Variants in CNBD1 observed in about 807,000 individuals in gnomAD.
The protein encoded by CNBD1 is cyclic nucleotide-binding domain-containing protein 1.
In CNBD1, 71 loss-of-function variants were observed where a neutral mutation model predicts 54.4. The ratio of observed to expected loss-of-function variants is 1.30; its 90% confidence interval spans 1.08 to 1.59. The LOEUF (loss-of-function observed/expected upper bound fraction) is 1.59. CNBD1 is among the 40% of genes most tolerant of loss of function. CNBD1 has a pLI of 0.00. For missense variants in CNBD1, 659 were observed against 518.0 expected, an observed-to-expected ratio of 1.27 and a Z score of -2.64; for synonymous variants, 182 against 170.7, an observed-to-expected ratio of 1.07 and a Z score of -0.51.
At chr8:87,130,803 A>G (rs965106142) in intron 4 of CNBD1, among the ~76,000 whole-genome samples, 4 of 152,050 alleles carry the variant, frequency 2.6e-5, no homozygotes, top group Middle Eastern at 6.8e-3. Flanking sequence ...ATTCCTGAGA[A>G]AGGATAATTC....
chr8:87,371,846 T>G (rs1424700720), intron 10 of CNBD1, among the ~76,000 whole-genome samples: 3 of 151,594 alleles, frequency 2.0e-5, no homozygotes, highest in African/African-American at 2.4e-5. Context: ...CTCAAAATAA[T>G]AAGAGCTATC....
intron 4 of CNBD1, among the ~76,000 whole-genome samples, chr8:87,049,407 C>A (rs1422436858): frequency 4.6e-5 from 7 of 152,132 alleles, no homozygotes; most frequent in Non-Finnish European, 7.3e-5. Context: ...AACTGCCTTT[C>A]CTTTGCTTTA....
intron 6 of CNBD1, among the ~76,000 whole-genome samples, chr8:87,263,132 T>G (rs767926614): frequency 1.3e-5 from 2 of 152,166 alleles, no homozygotes; most frequent in African/African-American, 2.4e-5. Context: ...GATGGTATTA[T>G]ATATAGTGGT....
At chr8:87,032,576 A>G (rs1235270699) in intron 4 of CNBD1, among the ~76,000 whole-genome samples, 1 of 152,194 alleles carries the variant, frequency 6.6e-6, no homozygotes, top group Non-Finnish European at 1.5e-5. Context: ...CAGGGGTGGC[A>G]CAGGCAGAAA....
chr8:86,944,005 G>A (rs1807402857), intron 4 of CNBD1, among the ~76,000 whole-genome samples: 1 of 152,126 alleles, frequency 6.6e-6, no homozygotes, highest in Non-Finnish European at 1.5e-5. Flanking sequence ...GGGATAGGGA[G>A]TCAGATTGTT....
At chr8:87,291,974 C>T (rs1402732611) in intron 8 of CNBD1, among the ~76,000 whole-genome samples, 1 of 152,082 alleles carries the variant, frequency 6.6e-6, no homozygotes, top group East Asian at 1.9e-4. Flanking sequence ...TCAGTGTTTA[C>T]CCTTAGACCA....
chr8:86,931,478 A>AT (rs71275896), intron 3 of CNBD1, among the ~76,000 whole-genome samples: 80,762 of 150,810 alleles, frequency 0.54, 21,753 homozygotes, highest in South Asian at 0.6. Context: ...CTCATTGCAC[A>AT]TTTTTTTTTA....
At position 87,346,887 on chromosome 8, in the gene CNBD1, G is replaced by A. The variant is rs369342675; in HGVS notation, c.1043-4798G>A. Among the ~76,000 whole-genome samples the A allele has an allele frequency of 5.6e-4, 86 of 152,246 alleles. No individual in the cohort carries two copies. In the East Asian group the frequency reaches 7.9e-3, roughly 14 times the overall value. ...AAAGGATTTTATTGCCTCACAGGTG[G>A]TATGGACTCTAGCCCCAATATCATG... On this transcript the variant is annotated intron_variant, in intron 8 of 10. Coordinates refer to ENST00000518476, the MANE Select transcript of CNBD1 (RefSeq NM_173538.3).
intron 4 of CNBD1, among the ~76,000 whole-genome samples, chr8:87,097,676 G>A (rs1811347131): frequency 6.6e-6 from 1 of 152,182 alleles, no homozygotes; most frequent in Non-Finnish European, 1.5e-5. Context: ...TCCCTCTGAA[G>A]ATTTTTAATG....
rs111692894 is a variant in CNBD1, at chr8:87,262,051, G to A, written c.772-22627G>A. On this transcript the variant is annotated intron_variant, in intron 6 of 10. Transcript: ENST00000518476. ...TGCCTGTAGTCCCAGCTACTTTGAG[G>A]GCTGAGGAAGGAGGATCACTTGAAC... is the stretch of plus-strand genomic sequence containing the variant. Among the ~76,000 whole-genome samples the A allele has an allele frequency of 8.5e-4, 129 of 152,108 alleles. 1 individual carries two copies. Among genetic ancestry groups the A allele is most frequent in the African/African-American group, 3.1e-3 (127 of 41,514 alleles).
intron 8 of CNBD1, among the ~76,000 whole-genome samples, chr8:87,315,305 T>G (rs558751051): frequency 6.6e-6 from 1 of 152,252 alleles, no homozygotes; most frequent in East Asian, 1.9e-4. Flanking sequence ...CAGATTTATT[T>G]TCTTACCTCT....
chr8:87,323,205 T>C (rs1809579529), intron 8 of CNBD1, among the ~76,000 whole-genome samples: 1 of 119,048 alleles, frequency 8.4e-6, no homozygotes, highest in Non-Finnish European at 1.8e-5. Flanking sequence ...TTGGTTACTG[T>C]AGCCTTGTAG....
At chr8:86,956,855 T>A (rs1421212234) in intron 4 of CNBD1, among the ~76,000 whole-genome samples, 1 of 152,166 alleles carries the variant, frequency 6.6e-6, no homozygotes, top group Non-Finnish European at 1.5e-5. Context: ...AGCCAGAACT[T>A]CCAACACTCT....
Position 87,331,605 on chromosome 8 carries a change from A to G in CNBD1, c.1043-20080A>G, listed in dbSNP as rs565898473. 8.8e-4 allele frequency among the ~76,000 whole-genome samples: 134 copies of G among 152,296 alleles called. 1 individual carries two copies. The highest frequency in any genetic ancestry group is 3.2e-3 in the African/African-American group (131 of 41,574). ...TAATGGGATTGCTGGATCAAATGAT[A>G]TTTCTAGTTCTAGATCCTTAAATTA... On this transcript the variant is annotated intron_variant, in intron 8 of 10. Coordinates refer to ENST00000518476, the MANE Select transcript of CNBD1 (RefSeq NM_173538.3).
chr8:87,102,218 T>C (rs760026628), intron 4 of CNBD1, among the ~76,000 whole-genome samples: 3 of 151,974 alleles, frequency 2.0e-5, no homozygotes, highest in Non-Finnish European at 2.9e-5. Flanking sequence ...ACATAACTGA[T>C]TGGTGAGAGT....
chr8:86,966,276 G>A (rs4960932), intron 4 of CNBD1, among the ~76,000 whole-genome samples: 143,844 of 152,266 alleles, frequency 0.94, 68,053 homozygotes, highest in East Asian at 1. Flanking sequence ...CCTGGTGCCA[G>A]TCATGGCCCA....
chr8:87,216,801 C>T (rs1481460710), intron 5 of CNBD1, among the ~76,000 whole-genome samples: 1 of 152,112 alleles, frequency 6.6e-6, no homozygotes, highest in Non-Finnish European at 1.5e-5. Flanking sequence ...GCTATAGTAT[C>T]AAGGAAACTT....
At chr8:86,994,103 G>A (rs535131129) in intron 4 of CNBD1, among the ~76,000 whole-genome samples, 4 of 152,292 alleles carry the variant, frequency 2.6e-5, no homozygotes, top group Admixed American at 2.6e-4. Flanking sequence ...TACTCTGACA[G>A]TGGAGGCTCC....
chr8:87,008,233 AGTT>A (rs1309626346), intron 4 of CNBD1, among the ~76,000 whole-genome samples: 1 of 152,204 alleles, frequency 6.6e-6, no homozygotes, highest in African/African-American at 2.4e-5. Flanking sequence ...AGGTTCTCTC[AGTT>A]GTTTTTAACG....
Sources: gnomAD v4.1 joint callset for allele counts (sites outside exome capture counted in the v4.1 genomes callset) on GRCh38, gnomAD v4.1.1 for gene constraint, MANE v1.5 for transcripts, NCBI Gene and HGNC (gene_info 2026-07-23, HGNC 2026-07-21) for gene names.